The following POLR2F variants were observed in gnomAD, a reference collection of about 807,000 sequenced individuals.
The protein encoded by POLR2F is RNA polymerase II, I and III subunit F.
In POLR2F, 12 loss-of-function variants were observed where a neutral mutation model predicts 22.7. The ratio of observed to expected loss-of-function variants is 0.53; its 90% CI spans 0.34 to 0.86. The LOEUF is 0.86. POLR2F is among the 40% of genes least tolerant of loss of function. The pLI is 0.02. For synonymous variants in POLR2F, 57 were observed against 66.0 expected (o/e 0.86, Z 0.66); for missense variants, 126 against 171.5 (o/e 0.73, Z 1.48).
chr22:38,028,584 GTGTA>G (rs1228972024), downstream of POLR2F, among the ~76,000 whole-genome samples: 4 of 152,154 alleles, frequency 2.6e-5, no homozygotes, highest in African/African-American at 7.2e-5. Flanking sequence ...GCATGAATGT[GTGTA>G]TGTGTGTGCC....
chr22:37,990,621 G>A (rs944754986), intron 1 of POLR2F, among the ~76,000 whole-genome samples: 3 of 152,240 alleles, frequency 2.0e-5, no homozygotes, highest in African/African-American at 7.2e-5. Context: ...TTTGATGGGA[G>A]AGACCGATGT....
chr22:38,004,670 C>G (rs573469998), intron 1 of POLR2F, among the ~76,000 whole-genome samples: 1 of 152,154 alleles, frequency 6.6e-6, no homozygotes, highest in Admixed American at 6.5e-5. Flanking sequence ...ATAGGCTGGC[C>G]GCATTGGTTC....
intron 1 of POLR2F, 126 bp from the exon 2 acceptor site, chr22:37,956,647 C>T (rs1377627058): frequency 1.4e-6 from 1 of 738,898 alleles, no homozygotes; most frequent in Non-Finnish European, 2.4e-6. Flanking sequence ...GAATTCCTGG[C>T]CTCAAGTGAT....
chr22:37,953,971 G>A, intron 1 of POLR2F, 164 bp downstream of exon 1: 1 of 780,602 alleles, frequency 1.3e-6, no homozygotes, highest in Admixed American at 2.8e-5. Context: ...CGACCCAGGA[G>A]CACAGCCCCG....
chr22:37,967,988 G>T lies in POLR2F; in HGVS notation c.*273G>T. 1 of 1,095,494 alleles carries T rather than the reference G, an allele frequency of 9.1e-7. No individual in the cohort carries two copies. Among genetic ancestry groups the T allele is most frequent in the Non-Finnish European group, 1.1e-6 (1 of 899,096 alleles). The allele number at this position is 1,095,494 out of a possible 1,614,324, so 67.9% of individuals were successfully genotyped here. A position where few individuals can be genotyped will look rare whatever the true frequency, so the allele number is the denominator to read the frequency against. The stretch of plus-strand genomic sequence containing the variant: ...CATCTCCCTGTTCCCCAGAGCAAAG[G>T]CTGCTGCAGGGGAGACACCTCAGCT... On this transcript the variant is annotated 3_prime_UTR_variant, in exon 5 of 5. Coordinates refer to ENST00000442738, the MANE Select transcript of POLR2F (RefSeq NM_021974.5).
upstream of POLR2F, among the ~76,000 whole-genome samples, chr22:37,985,818 AACACACACACACAC>A (rs60447362): frequency 1.4e-5 from 2 of 144,390 alleles, no homozygotes; most frequent in Admixed American, 6.9e-5. Flanking sequence ...CAGACACTGG[AACACACACACACAC>A]ACACACACAC....
rs556102464 is a variant in POLR2F, at chr22:38,031,976, G to A, written c.453-9092G>A. On this transcript the variant is annotated intron_variant, in intron 5 of 5. Transcript: ENST00000407936. The surrounding 1 kb of genome is among the most constrained non-coding windows in gnomAD (Gnocchi z 4.1). ...CCTCTGTTTTGGTCTGAAGTCTGGAGATTTTGTCCAGTTTCTTTTTTTTCT... is the reference window on the plus strand; with the variant it reads ...CCTCTGTTTTGGTCTGAAGTCTGGAAATTTTGTCCAGTTTCTTTTTTTTCT... Among the ~76,000 whole-genome samples, 4 of 152,184 alleles carry A rather than the reference G, an allele frequency of 2.6e-5. No homozygotes were observed. Among genetic ancestry groups the A allele is most frequent in the East Asian group, 3.9e-4 (2 of 5,184 alleles).
At chr22:38,020,078 G>T (rs1174948329) in intron 1 of POLR2F, among the ~76,000 whole-genome samples, 1 of 151,824 alleles carries the variant, frequency 6.6e-6, no homozygotes, top group Non-Finnish European at 1.5e-5. Flanking sequence ...GCCGGCCGTG[G>T]TGGCTCATAC....
At chr22:37,993,280 C>T (rs1343725141) in intron 1 of POLR2F, among the ~76,000 whole-genome samples, 2 of 152,162 alleles carry the variant, frequency 1.3e-5, no homozygotes, top group African/African-American at 4.8e-5. Flanking sequence ...GAACTGACAA[C>T]GACAATGGGA....
At chr22:37,991,896 C>T (rs1470928549) in intron 1 of POLR2F, among the ~76,000 whole-genome samples, 1 of 152,180 alleles carries the variant, frequency 6.6e-6, no homozygotes, top group East Asian at 1.9e-4. Context: ...TGGGTCCTTC[C>T]CACCTCCTCC....
At chr22:37,957,060 T>A (rs1931432300) in intron 2 of POLR2F, among the ~76,000 whole-genome samples, 1 of 152,252 alleles carries the variant, frequency 6.6e-6, no homozygotes, top group Non-Finnish European at 1.5e-5. Context: ...GCCTGTGGCT[T>A]CTGGGGCAGT....
upstream of POLR2F, among the ~76,000 whole-genome samples, chr22:37,983,135 C>T (rs1932451734): frequency 6.6e-6 from 1 of 152,356 alleles, no homozygotes; most frequent in South Asian, 2.1e-4. This position sits in a 1 kb window ranked among gnomAD's most constrained non-coding sequence, Gnocchi z 9.5. Flanking sequence ...CCTTCCTGCC[C>T]GCCGCCCCGT....
rs2145817319 is a variant in POLR2F, at chr22:38,017,975, C to T, written c.121-7894C>T. On this transcript the variant is annotated intron_variant, in intron 1 of 2. Coordinates refer to the POLR2F transcript ENST00000333418. This position sits in a 1 kb window ranked among gnomAD's most constrained non-coding sequence, Gnocchi z 4.1. ...CATAACAGAGGCTATAATGTGGGCC[C>T]TATAACGTGGCCATAAGGTGGAACG... Among the ~76,000 whole-genome samples, 1 of 152,364 alleles carries T rather than the reference C, an allele frequency of 6.6e-6. No individual in the cohort carries two copies. Among genetic ancestry groups the T allele is most frequent in the South Asian group, 2.1e-4 (1 of 4,830 alleles).
intron 1 of POLR2F, among the ~76,000 whole-genome samples, chr22:38,020,074 C>T (rs1299154737): frequency 2.0e-5 from 3 of 151,644 alleles, no homozygotes; most frequent in African/African-American, 2.4e-5. Context: ...GTGGGCCGGC[C>T]GTGGTGGCTC....
At chr22:38,030,733 T>C (rs1169191729), downstream of POLR2F, among the ~76,000 whole-genome samples, 1 of 152,118 alleles carries the variant, frequency 6.6e-6, no homozygotes. Context: ...GATGACTTGC[T>C]TTGCAGGGTC....
At chr22:37,996,794 C>G (rs1213714076) in intron 1 of POLR2F, among the ~76,000 whole-genome samples, 1 of 152,226 alleles carries the variant, frequency 6.6e-6, no homozygotes, top group Non-Finnish European at 1.5e-5. Flanking sequence ...CCAAAGAACA[C>G]AAGCCCTTGG....
chr22:37,967,958 C>T lies in POLR2F; in HGVS notation c.*243C>T. ...GCCCCTTTGGATCCCCCACATCCTT[C>T]CCTCCATCTCCCTGTTCCCCAGAGC... is the stretch of plus-strand genomic sequence containing the variant. On this transcript the variant is annotated 3_prime_UTR_variant, in exon 5 of 5. Coordinates refer to ENST00000442738, the MANE Select transcript of POLR2F (RefSeq NM_021974.5). 8.7e-7 allele frequency: 1 copy of T among 1,153,052 alleles called. No individual in the cohort carries two copies. Among genetic ancestry groups the T allele is most frequent in the Non-Finnish European group, 1.1e-6 (1 of 935,466 alleles). 71.4% of individuals were successfully genotyped at this position (1,153,052 alleles called of 1,614,324 possible). A position where few individuals can be genotyped will look rare whatever the true frequency, so the allele number is the denominator to read the frequency against.
At chr22:37,973,999 C>G, downstream of POLR2F, 1 of 1,613,464 alleles carries the variant, frequency 6.2e-7, no homozygotes, top group Non-Finnish European at 8.5e-7. Context: ...GCGGCAGGTA[C>G]TGGTCCAACT....
At chr22:38,000,649 A>T (rs991679298) in intron 1 of POLR2F, among the ~76,000 whole-genome samples, 1 of 152,216 alleles carries the variant, frequency 6.6e-6, no homozygotes, top group Admixed American at 6.5e-5. Context: ...CCCCACCCAG[A>T]GGAATAAGCC....
Sources: allele counts gnomAD v4.1 joint callset (sites outside exome capture counted in the v4.1 genomes callset), GRCh38; gene constraint gnomAD v4.1.1; non-coding constraint Gnocchi (gnomAD v3.1); transcripts MANE v1.5; gene names NCBI Gene and HGNC (gene_info 2026-07-23, HGNC 2026-07-21).